Variants in PCSK2 observed in about 807,000 individuals in gnomAD.
PCSK2 encodes proprotein convertase subtilisin/kexin type 2, also known as neuroendocrine convertase 2.
A neutral mutation model predicts 69.7 loss-of-function variants in PCSK2; 14 were observed. The ratio of observed to expected loss-of-function variants is 0.20; its 90% CI spans 0.13 to 0.31. The LOEUF is 0.31. Among genes scored for constraint, PCSK2 ranks in the 10% least tolerant of loss-of-function variants. The pLI is 1.00. For missense variants in PCSK2, 544 were observed against 842.5 expected, an observed-to-expected ratio of 0.65 and a Z score of 4.39; for synonymous variants, 307 against 320.7, an observed-to-expected ratio of 0.96 and a Z score of 0.46.
chr20:17,315,867 G>A (rs997999007), intron 2 of PCSK2, among the ~76,000 whole-genome samples: 55 of 152,294 alleles, frequency 3.6e-4, no homozygotes, highest in African/African-American at 1.2e-3. Flanking sequence ...GTGAATCCAT[G>A]GCCCGCGCGG....
chr20:17,413,410 C>G (rs1276379708), intron 6 of PCSK2, among the ~76,000 whole-genome samples: 2 of 151,978 alleles, frequency 1.3e-5, no homozygotes, highest in African/African-American at 4.8e-5. Flanking sequence ...AGACTTTAAA[C>G]CAACAAAGAT....
intron 11 of PCSK2, among the ~76,000 whole-genome samples, chr20:17,470,869 T>G (rs2033187347): frequency 6.6e-6 from 1 of 151,896 alleles, no homozygotes; most frequent in African/African-American, 2.4e-5. Context: ...GGCTGGAATG[T>G]CCCTCACAGG....
At chr20:17,377,480 C>A (rs897459482) in intron 5 of PCSK2, among the ~76,000 whole-genome samples, 6 of 152,210 alleles carry the variant, frequency 3.9e-5, no homozygotes, top group Non-Finnish European at 8.8e-5. Context: ...AAAAGGGCGA[C>A]AGCAAGAAAC....
rs73253499 is a variant in PCSK2 at position 17,242,391 on chromosome 20, T to C, written c.177+14909T>C. Among the ~76,000 whole-genome samples, 486 of 152,342 alleles carry C rather than the reference T, an allele frequency of 3.2e-3. 4 individuals carry two copies. Among genetic ancestry groups the C allele is most frequent in the African/African-American group, 0.011 (451 of 41,564 alleles). On this transcript the variant is annotated intron_variant, in intron 1 of 11. Coordinates refer to ENST00000262545, the MANE Select transcript of PCSK2 (RefSeq NM_002594.5). The stretch of plus-strand genomic sequence containing the variant: ...TTCTTATTTTATTAACAAGTGTGTG[T>C]TGAGCCCTATGAAGATGAGGCACAT...
chr20:17,291,911 C>T (rs1988709136), intron 2 of PCSK2, among the ~76,000 whole-genome samples: 1 of 152,138 alleles, frequency 6.6e-6, no homozygotes, highest in Non-Finnish European at 1.5e-5. Context: ...ACTGCTGAAA[C>T]TCTACTGTCA....
chr20:17,298,711 A>C (rs572347732), intron 2 of PCSK2, among the ~76,000 whole-genome samples: 87 of 152,162 alleles, frequency 5.7e-4, no homozygotes, highest in African/African-American at 2.0e-3. Flanking sequence ...TTTTTTTTCA[A>C]GTAGACTCTA....
At position 17,303,437 on chromosome 20, in the gene PCSK2, A is replaced by AATATAATATATATTATATTAT. The variant is rs1288722679; in HGVS notation, c.282+43113_282+43114insTATATAATATATATTATATTA. Among the ~76,000 whole-genome samples the AATATAATATATATTATATTAT allele has an allele frequency of 6.2e-3, 574 of 92,488 alleles. 10 individuals are homozygous for AATATAATATATATTATATTAT. Among genetic ancestry groups the AATATAATATATATTATATTAT allele is most frequent in the Non-Finnish European group, 1.0e-2 (463 of 46,320 alleles). 60.7% of individuals were successfully genotyped at this position (92,488 alleles called of 152,430 possible). ...GTATGGTTATATATTTTTAATATAT[A>AATATAATATATATTATATTAT]ATATAATATATATTATATTAAATAT... On this transcript the variant is annotated intron_variant, in intron 2 of 11. Coordinates refer to ENST00000262545, the MANE Select transcript of PCSK2 (RefSeq NM_002594.5).
intron 5 of PCSK2, among the ~76,000 whole-genome samples, chr20:17,392,218 A>G (rs575337481): frequency 6.6e-6 from 1 of 152,298 alleles, no homozygotes; most frequent in Non-Finnish European, 1.5e-5. Flanking sequence ...TGATGAAATG[A>G]CCTGACAGGA....
At chr20:17,320,141 A>C (rs1353391476) in intron 2 of PCSK2, among the ~76,000 whole-genome samples, 1 of 152,200 alleles carries the variant, frequency 6.6e-6, no homozygotes, top group Non-Finnish European at 1.5e-5. Flanking sequence ...CAGATTCATA[A>C]GGCAGTACTT....
chr20:17,428,345 G>A (rs1027248394), intron 6 of PCSK2, among the ~76,000 whole-genome samples: 2 of 152,194 alleles, frequency 1.3e-5, no homozygotes, highest in Admixed American at 1.3e-4. Flanking sequence ...AGAATTTTGA[G>A]GCATGAAATA....
At chr20:17,468,996 A>G (rs2033155675) in intron 11 of PCSK2, among the ~76,000 whole-genome samples, 1 of 152,252 alleles carries the variant, frequency 6.6e-6, no homozygotes, top group African/African-American at 2.4e-5. Context: ...CACCACATGG[A>G]AAAAATAAAG....
chr20:17,361,175 G>A (rs1036300027), intron 4 of PCSK2, among the ~76,000 whole-genome samples: 3 of 152,158 alleles, frequency 2.0e-5, no homozygotes, highest in Admixed American at 1.3e-4. Flanking sequence ...AGTTACATTA[G>A]CGTGACTCTA....
At chr20:17,456,629 G>A (rs1050388971) in intron 10 of PCSK2, among the ~76,000 whole-genome samples, 181 bp downstream of exon 10, 3 of 152,218 alleles carry the variant, frequency 2.0e-5, no homozygotes, top group Admixed American at 6.5e-5. Context: ...ACACGTGCGT[G>A]TGCATACACA....
At chr20:17,374,983 C>T (rs2030880328) in intron 5 of PCSK2, among the ~76,000 whole-genome samples, 1 of 152,172 alleles carries the variant, frequency 6.6e-6, no homozygotes, top group Non-Finnish European at 1.5e-5. Flanking sequence ...GGCTCCCTAC[C>T]TCATGATGCA....
chr20:17,260,201 A>G, intron 1 of PCSK2, 39 bp from the exon 2 acceptor site: 2 of 1,359,400 alleles, frequency 1.5e-6, no homozygotes, highest in South Asian at 1.2e-5. Flanking sequence ...GGCCAACCCC[A>G]GAAGCTAACT....
intron 1 of PCSK2, among the ~76,000 whole-genome samples, chr20:17,232,302 T>G (rs887919483): frequency 2.6e-5 from 4 of 152,198 alleles, no homozygotes; most frequent in Non-Finnish European, 1.5e-5. Context: ...TTCAGCAGTA[T>G]GTGAGAGTTC....
Position 17,239,285 on chromosome 20 carries a change from T to C in PCSK2, c.177+11803T>C, listed in dbSNP as rs116279961. Among the ~76,000 whole-genome samples, 103 of 152,272 alleles carry C rather than the reference T, an allele frequency of 6.8e-4. 1 individual carries two copies. Among genetic ancestry groups the C allele is most frequent in the African/African-American group, 2.2e-3 (93 of 41,548 alleles). On this transcript the variant is annotated intron_variant, in intron 1 of 11. Transcript: ENST00000262545. Reference sequence around the variant, plus strand: ...TGATGGAAGCTCAAACCCAAGAAGGTAGTTGACATCCAAGAGTCAATTCTA... The same window carrying C: ...TGATGGAAGCTCAAACCCAAGAAGGCAGTTGACATCCAAGAGTCAATTCTA...
At chr20:17,379,590 CAA>C (rs1291028500) in intron 5 of PCSK2, among the ~76,000 whole-genome samples, 4 of 152,208 alleles carry the variant, frequency 2.6e-5, no homozygotes, top group Non-Finnish European at 5.9e-5. Context: ...TCCTTGAAGA[CAA>C]AGACTTGATG....
chr20:17,349,241 C>T (rs981117164), intron 2 of PCSK2, among the ~76,000 whole-genome samples: 1 of 152,196 alleles, frequency 6.6e-6, no homozygotes, highest in African/African-American at 2.4e-5. Flanking sequence ...TGCCTGTCCC[C>T]AAGACCAAGC....
Sources: gnomAD v4.1 joint callset for allele counts (sites outside exome capture counted in the v4.1 genomes callset) on GRCh38, gnomAD v4.1.1 for gene constraint, MANE v1.5 for transcripts, NCBI Gene and HGNC (gene_info 2026-07-23, HGNC 2026-07-21) for gene names.